JMJD1C: variants seen among roughly 807,000 people sequenced by gnomAD.
JMJD1C encodes the protein jumonji domain containing 1C, also known as jumonji domain-containing protein 1C.
Under a neutral mutation model 245.3 loss-of-function variants are expected in JMJD1C, and 31 were observed. That is an observed-to-expected ratio of 0.13 (90% confidence interval 0.09 to 0.17). JMJD1C has a LOEUF of 0.17. JMJD1C is among the 10% of genes least tolerant of loss of function. The pLI, the probability that JMJD1C is intolerant of heterozygous loss-of-function variation, is 1.00. For synonymous variants in JMJD1C, 1,057 were observed against 1,017.4 expected (o/e 1.04, Z -0.74); for missense variants, 2,691 against 3,000.2 (o/e 0.90, Z 2.41).
At chr10:63,364,782 C>T (rs890208650) in intron 2 of JMJD1C, among the ~76,000 whole-genome samples, 4 of 152,092 alleles carry the variant, frequency 2.6e-5, no homozygotes, top group African/African-American at 4.8e-5. Flanking sequence ...CACACGTGGC[C>T]GAGCACATGT....
intron 4 of JMJD1C, among the ~76,000 whole-genome samples, chr10:63,219,084 A>G (rs527747937): frequency 6.6e-6 from 1 of 152,250 alleles, no homozygotes; most frequent in East Asian, 1.9e-4. Flanking sequence ...AAGTTCACTG[A>G]AATATTCTGT....
At chr10:63,308,609 G>GAAA (rs58302652) in intron 2 of JMJD1C, among the ~76,000 whole-genome samples, 263 of 129,772 alleles carry the variant, frequency 2.0e-3, no homozygotes, top group African/African-American at 7.3e-3. Flanking sequence ...GCTGCTATAG[G>GAAA]AAAAAAAAAA....
chr10:63,500,277 G>A lies in JMJD1C; in HGVS notation n.113+21461C>T, dbSNP rs985851836. Among the ~76,000 whole-genome samples the A allele has an allele frequency of 2.0e-5, 3 of 152,092 alleles. No individual in the cohort carries two copies. The East Asian group carries it at 5.8e-4, about 29-fold the overall frequency. On this transcript the variant is annotated intron_variant and non_coding_transcript_variant, in intron 1 of 3. Coordinates refer to the JMJD1C transcript ENST00000633035. ...TCTCTACAAAAAAATACAAAAATTG[G>A]CCAGGTGTGGTTGTGCACACTTGTA...
intron 2 of JMJD1C, among the ~76,000 whole-genome samples, chr10:63,312,755 T>C (rs1589449186): frequency 6.6e-6 from 1 of 152,198 alleles, no homozygotes; most frequent in East Asian, 1.9e-4. Context: ...TACACAGGCC[T>C]TGAAAATTTT....
At chr10:63,183,340 CT>C in intron 22 of JMJD1C, 106 bp downstream of exon 22, 2 of 1,010,092 alleles carry the variant, frequency 2.0e-6, no homozygotes, top group Non-Finnish European at 2.9e-6. Context: ...CATTGCAATT[CT>C]TTTTGAAATC....
At chr10:63,442,523 A>G (rs1951451698) in intron 1 of JMJD1C, among the ~76,000 whole-genome samples, 1 of 152,262 alleles carries the variant, frequency 6.6e-6, no homozygotes, top group Non-Finnish European at 1.5e-5. Flanking sequence ...TTATGTATTT[A>G]ATGTGCATAA....
At chr10:63,199,075 T>C (rs75952263) in intron 11 of JMJD1C, among the ~76,000 whole-genome samples, 82 of 152,304 alleles carry the variant, frequency 5.4e-4, no homozygotes, top group African/African-American at 1.9e-3. Flanking sequence ...ATTTTATACA[T>C]AATCTAAATC....
chr10:63,387,994 T>G (rs1458147720), intron 1 of JMJD1C, among the ~76,000 whole-genome samples: 6 of 152,050 alleles, frequency 3.9e-5, no homozygotes, highest in Non-Finnish European at 8.8e-5. Context: ...ATATAGGACA[T>G]CATAAAGCTA....
At chr10:63,262,289 A>T (rs1003152345) in intron 3 of JMJD1C, among the ~76,000 whole-genome samples, 10 of 151,688 alleles carry the variant, frequency 6.6e-5, no homozygotes, top group Admixed American at 2.0e-4. Flanking sequence ...CGAACTCTAA[A>T]TTTTTTTTTC....
At chr10:63,292,186 T>C (rs1858858493) in intron 2 of JMJD1C, among the ~76,000 whole-genome samples, 1 of 131,264 alleles carries the variant, frequency 7.6e-6, no homozygotes, top group Non-Finnish European at 1.6e-5. Context: ...CTTGAACTCC[T>C]GGTCTCAAGT....
intron 2 of JMJD1C, among the ~76,000 whole-genome samples, chr10:63,290,539 C>T (rs752584298): frequency 2.6e-5 from 4 of 151,966 alleles, no homozygotes; most frequent in South Asian, 2.1e-4. Flanking sequence ...CCAGCCTGGG[C>T]GACAGAGCAA....
chr10:63,200,764 T>C (rs564533884), intron 10 of JMJD1C, 87 bp from the exon 11 acceptor site: 233 of 1,160,682 alleles, frequency 2.0e-4, no homozygotes, highest in Non-Finnish European at 2.8e-4. Flanking sequence ...AGTTATACAA[T>C]TGTGATGATA....
chr10:63,465,329 A>T, intron 1 of JMJD1C, 166 bp downstream of exon 1: 1 of 702,486 alleles, frequency 1.4e-6, no homozygotes, highest in Non-Finnish European at 2.3e-6. Flanking sequence ...GGAGAGACGC[A>T]GGGACCCAGG....
At chr10:63,314,862 G>A (rs147757874) in intron 2 of JMJD1C, among the ~76,000 whole-genome samples, 105 of 151,894 alleles carry the variant, frequency 6.9e-4, no homozygotes, top group African/African-American at 2.3e-3. Flanking sequence ...TGGCCAGGCT[G>A]GTCTCAAATG....
intron 2 of JMJD1C, among the ~76,000 whole-genome samples, chr10:63,295,959 ATGTGTGTGTGTGTGTG>A (rs370590868): frequency 0.056 from 4,996 of 89,640 alleles, 407 homozygotes; most frequent in Non-Finnish European, 0.068. Context: ...ATACACGTAT[ATGTGTGTGTGTGTGTG>A]TGTGTGTGTG....
intron 2 of JMJD1C, among the ~76,000 whole-genome samples, chr10:63,318,326 A>AG (rs1462630761): frequency 6.6e-6 from 1 of 152,118 alleles, no homozygotes; most frequent in Non-Finnish European, 1.5e-5. Flanking sequence ...CACCACCCCC[A>AG]GCTTGATCTT....
chr10:63,453,063 T>C (rs1952170676), intron 1 of JMJD1C, among the ~76,000 whole-genome samples: 1 of 152,056 alleles, frequency 6.6e-6, no homozygotes, highest in Admixed American at 6.6e-5. Flanking sequence ...TCACTTGAGG[T>C]CAGGAGTTTG....
At position 63,464,068 on chromosome 10, in the gene JMJD1C, C is replaced by A. The variant is rs79141350; in HGVS notation, c.168+1427G>T. ...TAATAAGTCCTGGGCTCTAGCAATC[C>A]TCTTACCTCAGCCTTTTACACAAAC... On this transcript the variant is annotated intron_variant, in intron 1 of 25. Coordinates refer to ENST00000399262, the MANE Select transcript of JMJD1C (RefSeq NM_032776.3). 3.3e-3 allele frequency among the ~76,000 whole-genome samples: 503 copies of A among 152,110 alleles called. 11 individuals are homozygous for A. Among genetic ancestry groups the A allele is most frequent in the Admixed American group, 0.03 (460 of 15,290 alleles).
At chr10:63,325,676 G>A (rs1015659228) in intron 2 of JMJD1C, among the ~76,000 whole-genome samples, 4 of 152,026 alleles carry the variant, frequency 2.6e-5, no homozygotes, top group African/African-American at 4.8e-5. Flanking sequence ...TTTTGGTGCC[G>A]TCTCTCAAAT....
Sources: gnomAD v4.1 joint callset for allele counts (sites outside exome capture counted in the v4.1 genomes callset) on GRCh38, gnomAD v4.1.1 for gene constraint, MANE v1.5 for transcripts, NCBI Gene and HGNC (gene_info 2026-07-23, HGNC 2026-07-21) for gene names.